The following ZNF704 variants were observed in gnomAD, a reference collection of about 807,000 sequenced individuals.
The protein encoded by ZNF704 is zinc finger protein 704, also known as glucocorticoid induced gene 1.
Under a neutral mutation model 44.7 loss-of-function variants are expected in ZNF704, and 10 were observed. That is an observed-to-expected ratio of 0.22 (90% CI 0.14 to 0.38). The LOEUF is 0.38. ZNF704 is among the 10% of genes least tolerant of loss of function. The probability of loss-of-function intolerance (pLI) is 1.00; values close to 1 mark genes in which losing one functional copy is unlikely to be tolerated. For synonymous variants in ZNF704, 211 were observed against 207.6 expected (o/e 1.02, Z -0.14); for missense variants, 390 against 545.5 (o/e 0.71, Z 2.84).
chr8:80,676,662 C>T (rs1818371054), intron 4 of ZNF704, among the ~76,000 whole-genome samples: 1 of 152,198 alleles, frequency 6.6e-6, no homozygotes, highest in Non-Finnish European at 1.5e-5. Context: ...AAATACTTGC[C>T]TTACAGCAGC....
intron 1 of ZNF704, among the ~76,000 whole-genome samples, chr8:80,826,018 T>A (rs1353205899): frequency 6.6e-6 from 1 of 151,950 alleles, no homozygotes; most frequent in Non-Finnish European, 1.5e-5. Flanking sequence ...TTAAAAGAAC[T>A]AGAGAAGCAA....
At chr8:80,844,301 CCAG>C (rs1226218658) in intron 1 of ZNF704, among the ~76,000 whole-genome samples, 2 of 152,240 alleles carry the variant, frequency 1.3e-5, no homozygotes, top group African/African-American at 4.8e-5. Context: ...GATCAAGGCA[CCAG>C]CAGATTGGGT....
chr8:80,821,842 A>G (rs1317209512), intron 1 of ZNF704, among the ~76,000 whole-genome samples: 1 of 152,242 alleles, frequency 6.6e-6, no homozygotes, highest in African/African-American at 2.4e-5. Context: ...AACACACAAA[A>G]AAATGCCTCC....
intron 2 of ZNF704, among the ~76,000 whole-genome samples, chr8:80,800,253 A>G (rs1807876436): frequency 6.6e-6 from 1 of 152,226 alleles, no homozygotes; most frequent in Non-Finnish European, 1.5e-5. Context: ...ACTTCAGGAT[A>G]TCATCCAGGA....
rs1354591435 is a variant in ZNF704, at chr8:80,630,375, C to A, written c.*10991G>T. ...CCACACGAGTGTCACACAGGAAGGA[C>A]TGCTGTTTTCTCTTCATTCTTTCTC... On this transcript the variant is annotated 3_prime_UTR_variant, in exon 9 of 9. Coordinates refer to ENST00000327835, the MANE Select transcript of ZNF704 (RefSeq NM_001033723.3). 3 of 152,218 alleles carry A rather than the reference C, an allele frequency of 2.0e-5. No homozygotes were observed. Among genetic ancestry groups the A allele is most frequent in the Non-Finnish European group, 4.4e-5 (3 of 68,034 alleles). The allele number at this position is 152,218 out of a possible 1,614,324, so 9.4% of individuals were successfully genotyped here.
At chr8:80,767,539 T>C (rs1431804212) in intron 2 of ZNF704, among the ~76,000 whole-genome samples, 1 of 152,200 alleles carries the variant, frequency 6.6e-6, no homozygotes, top group Non-Finnish European at 1.5e-5. Context: ...CATAAAATAG[T>C]GCATGTTGAA....
At chr8:80,800,154 G>T (rs758089352) in intron 2 of ZNF704, among the ~76,000 whole-genome samples, 13 of 152,168 alleles carry the variant, frequency 8.5e-5, no homozygotes, top group Admixed American at 1.3e-4. Flanking sequence ...AAACCTCTGA[G>T]AAATATGGGA....
At chr8:80,850,118 T>C (rs2129996156) in intron 1 of ZNF704, among the ~76,000 whole-genome samples, 1 of 152,348 alleles carries the variant, frequency 6.6e-6, no homozygotes, top group Non-Finnish European at 1.5e-5. Context: ...CTACATGTAC[T>C]GGATAGAAAT....
At chr8:80,781,123 C>T (rs1028131872) in intron 2 of ZNF704, among the ~76,000 whole-genome samples, 10 of 152,096 alleles carry the variant, frequency 6.6e-5, no homozygotes, top group Non-Finnish European at 1.3e-4. Context: ...CACTGTTCGC[C>T]TAGGGGTGAA....
the ZNF704 span, among the ~76,000 whole-genome samples, chr8:80,884,309 G>A: frequency 3.3e-5 from 5 of 152,206 alleles, no homozygotes; most frequent in African/African-American, 1.2e-4. Context: ...TGTGGATGCA[G>A]AGGTTACTTG....
intron 2 of ZNF704, chr8:80,777,065 T>G (rs891154466): frequency 2.0e-5 from 3 of 152,192 alleles, no homozygotes; most frequent in Non-Finnish European, 4.4e-5. Flanking sequence ...TATAAAATTT[T>G]CTATCCAATA....
chr8:80,714,646 T>G (rs983587566), intron 2 of ZNF704, among the ~76,000 whole-genome samples: 1 of 152,188 alleles, frequency 6.6e-6, no homozygotes, highest in Non-Finnish European at 1.5e-5. Context: ...CATATTTACA[T>G]TGGCAGTTTT....
At chr8:80,795,121 A>G (rs1158981566) in intron 2 of ZNF704, among the ~76,000 whole-genome samples, 1 of 152,198 alleles carries the variant, frequency 6.6e-6, no homozygotes, top group African/African-American at 2.4e-5. Context: ...AAGCGCACAC[A>G]CAGAGCTTAG....
the ZNF704 span, among the ~76,000 whole-genome samples, chr8:80,882,721 A>G: frequency 6.6e-6 from 1 of 152,042 alleles, no homozygotes; most frequent in Admixed American, 6.5e-5. Flanking sequence ...TCCTTTTATA[A>G]ATTGACCTGC....
In ZNF704 at chr8:80,761,216, T is replaced by A. The variant is rs796307133; in HGVS notation, c.221+60158A>T. ...GAGAGCAGCTTCACCAGATACCAAA[T>A]GCCGACACCTTGATCTTAGACTTCT... On this transcript the variant is annotated intron_variant, in intron 2 of 8. Coordinates refer to ENST00000327835, the MANE Select transcript of ZNF704 (RefSeq NM_001033723.3). Among the ~76,000 whole-genome samples the A allele has an allele frequency of 2.6e-5, 4 of 152,154 alleles. No homozygotes were observed. The South Asian group carries it at 8.3e-4, about 32-fold the overall frequency.
intron 6 of ZNF704, 84 bp downstream of exon 6, chr8:80,664,731 G>A (rs1818161858): frequency 1.3e-6 from 2 of 1,540,116 alleles, no homozygotes; most frequent in Non-Finnish European, 1.8e-6. Context: ...TTTTTCCACT[G>A]AGTTGTCTTT....
chr8:80,742,614 C>T (rs902001009), intron 2 of ZNF704, among the ~76,000 whole-genome samples: 1 of 152,128 alleles, frequency 6.6e-6, no homozygotes, highest in African/African-American at 2.4e-5. Flanking sequence ...TTTGTCTCTT[C>T]CAGAATCAAA....
chr8:80,663,727 C>CCTTTT (rs58625614), intron 6 of ZNF704, among the ~76,000 whole-genome samples: 22,951 of 151,882 alleles, frequency 0.15, 3,271 homozygotes, highest in African/African-American at 0.38. Flanking sequence ...CCAATGCTTA[C>CCTTTT]ATTTTATTTA....
At chr8:80,840,780 A>G (rs1471966702) in intron 1 of ZNF704, among the ~76,000 whole-genome samples, 1 of 152,252 alleles carries the variant, frequency 6.6e-6, no homozygotes, top group African/African-American at 2.4e-5. Flanking sequence ...CTCCAGGGTC[A>G]CAAATGAGCC....
Sources: gnomAD v4.1 joint callset for allele counts (sites outside exome capture counted in the v4.1 genomes callset) on GRCh38, gnomAD v4.1.1 for gene constraint, MANE v1.5 for transcripts, NCBI Gene and HGNC (gene_info 2026-07-23, HGNC 2026-07-21) for gene names.